LRRTM3: variants seen among roughly 807,000 people sequenced by gnomAD.
LRRTM3 encodes the protein leucine-rich repeat transmembrane neuronal protein 3.
LRRTM3 carries 24 observed loss-of-function variants against 44.7 expected under a neutral mutation model. The observed-to-expected ratio is 0.54, with a 90% CI of 0.39 to 0.76. LRRTM3 has a LOEUF of 0.76. Among genes scored for constraint, LRRTM3 ranks in the 30% least tolerant of loss-of-function variants. The pLI is 0.00. For missense variants in LRRTM3, 587 were observed against 702.2 expected (o/e 0.84, Z 1.85); for synonymous variants, 277 against 278.7 (o/e 0.99, Z 0.06).
At chr10:67,024,775 T>C (rs1853248120) in intron 2 of LRRTM3, among the ~76,000 whole-genome samples, 1 of 152,204 alleles carries the variant, frequency 6.6e-6, no homozygotes, top group Non-Finnish European at 1.5e-5. Flanking sequence ...TCATTGATGT[T>C]GCTTTAAATA....
chr10:67,026,387 T>C (rs1021690317), intron 2 of LRRTM3, among the ~76,000 whole-genome samples: 8 of 151,992 alleles, frequency 5.3e-5, no homozygotes, highest in Non-Finnish European at 8.8e-5. Flanking sequence ...GTAAATATTT[T>C]TATATTTGTA....
intron 2 of LRRTM3, among the ~76,000 whole-genome samples, chr10:66,942,435 GT>G (rs1162593207): frequency 6.6e-6 from 1 of 152,062 alleles, no homozygotes; most frequent in Non-Finnish European, 1.5e-5. Context: ...GAAAAATTCT[GT>G]TGTTAGTATT....
chr10:67,013,106 TC>T (rs1322406672), intron 2 of LRRTM3: 1 of 152,172 alleles, frequency 6.6e-6, no homozygotes, highest in Non-Finnish European at 1.5e-5. Flanking sequence ...ACATCATCTT[TC>T]ATTTTCTACA....
chr10:67,050,453 A>C (rs189642127), intron 2 of LRRTM3, among the ~76,000 whole-genome samples: 12 of 152,336 alleles, frequency 7.9e-5, no homozygotes, highest in Non-Finnish European at 1.5e-4. Context: ...AAAAGAAAAA[A>C]AAAGTACCCA....
chr10:66,954,052 A>C (rs1848672573), intron 2 of LRRTM3, among the ~76,000 whole-genome samples: 1 of 152,328 alleles, frequency 6.6e-6, no homozygotes, highest in South Asian at 2.1e-4. Context: ...TCCATTCTGG[A>C]TATGTACATC....
At chr10:66,962,864 A>T (rs1418092922) in intron 2 of LRRTM3, among the ~76,000 whole-genome samples, 2 of 152,102 alleles carry the variant, frequency 1.3e-5, no homozygotes, top group African/African-American at 2.4e-5. Context: ...TCATTTGTTT[A>T]TCTGTCTTGC....
chr10:66,986,557 G>A (rs1850740351), intron 2 of LRRTM3, among the ~76,000 whole-genome samples: 1 of 151,996 alleles, frequency 6.6e-6, no homozygotes, highest in African/African-American at 2.4e-5. Context: ...ACAATACATT[G>A]AAAAAACTAA....
chr10:66,976,916 A>G (rs779991085), intron 2 of LRRTM3, among the ~76,000 whole-genome samples: 1 of 152,188 alleles, frequency 6.6e-6, no homozygotes, highest in Non-Finnish European at 1.5e-5. Context: ...TGATGTGCTT[A>G]TCATTTGGTT....
chr10:66,956,748 C>G (rs1358682088), intron 2 of LRRTM3, among the ~76,000 whole-genome samples: 2 of 152,186 alleles, frequency 1.3e-5, no homozygotes, highest in South Asian at 4.1e-4. Flanking sequence ...GGTTGCTTAA[C>G]TGATTTCAAC....
chr10:66,992,431 C>A (rs1851091639), intron 2 of LRRTM3, among the ~76,000 whole-genome samples: 1 of 152,024 alleles, frequency 6.6e-6, no homozygotes, highest in South Asian at 2.1e-4. Context: ...CTTTCTCCTT[C>A]TTCTTGTTCC....
At chr10:66,972,582 A>T (rs1278440784) in intron 2 of LRRTM3, among the ~76,000 whole-genome samples, 2 of 152,004 alleles carry the variant, frequency 1.3e-5, no homozygotes, top group Non-Finnish European at 2.9e-5. Flanking sequence ...TTGTTTTATT[A>T]CTTCAGTTGA....
At chr10:66,963,273 T>C (rs893697808) in intron 2 of LRRTM3, among the ~76,000 whole-genome samples, 1 of 152,154 alleles carries the variant, frequency 6.6e-6, no homozygotes, top group Non-Finnish European at 1.5e-5. Flanking sequence ...ACAAACAGAC[T>C]TTTAGCTTTG....
At chr10:66,940,933 G>T (rs759752185) in intron 2 of LRRTM3, among the ~76,000 whole-genome samples, 1 of 152,070 alleles carries the variant, frequency 6.6e-6, no homozygotes, top group South Asian at 2.1e-4. Context: ...TAACTATATC[G>T]TAGCTCAAAG....
intron 2 of LRRTM3, among the ~76,000 whole-genome samples, chr10:67,074,433 C>T (rs1856638570): frequency 6.9e-6 from 1 of 145,420 alleles, no homozygotes; most frequent in Non-Finnish European, 1.5e-5. Flanking sequence ...TCACTGCAAG[C>T]TCCACCTCCC....
At chr10:66,938,387 C>T (rs1222475570) in intron 2 of LRRTM3, among the ~76,000 whole-genome samples, 1 of 151,638 alleles carries the variant, frequency 6.6e-6, no homozygotes, top group East Asian at 1.9e-4. Flanking sequence ...AAGAGTCAAC[C>T]CATATTTTAT....
intron 2 of LRRTM3, among the ~76,000 whole-genome samples, chr10:67,000,232 A>G (rs888821056): frequency 6.6e-6 from 1 of 152,200 alleles, no homozygotes; most frequent in Non-Finnish European, 1.5e-5. Flanking sequence ...TAAATTACTA[A>G]GTGCTGCAGA....
intron 2 of LRRTM3, among the ~76,000 whole-genome samples, chr10:67,061,701 G>C (rs1315913047): frequency 6.6e-6 from 1 of 152,174 alleles, no homozygotes; most frequent in Non-Finnish European, 1.5e-5. Flanking sequence ...AAAGAGAAAC[G>C]ATATTTCAGC....
At chr10:67,041,321 C>G (rs1436194490) in intron 2 of LRRTM3, among the ~76,000 whole-genome samples, 1 of 152,090 alleles carries the variant, frequency 6.6e-6, no homozygotes, top group African/African-American at 2.4e-5. Context: ...CCCCAAGCTG[C>G]CCAAGGGGCC....
chr10:67,054,059 A>G (rs1294093790), intron 2 of LRRTM3, among the ~76,000 whole-genome samples: 1 of 152,170 alleles, frequency 6.6e-6, no homozygotes, highest in Admixed American at 6.5e-5. Flanking sequence ...TTTGCAGATT[A>G]CAGACACTTA....
Sources: gnomAD v4.1 joint callset for allele counts (sites outside exome capture counted in the v4.1 genomes callset) on GRCh38, gnomAD v4.1.1 for gene constraint, MANE v1.5 for transcripts, NCBI Gene and HGNC (gene_info 2026-07-23, HGNC 2026-07-21) for gene names.